GANC: variants seen among roughly 807,000 people sequenced by gnomAD.
The protein encoded by GANC is neutral alpha-glucosidase C.
Under a neutral mutation model 124.2 loss-of-function variants are expected in GANC, and 117 were observed. The observed-to-expected ratio is 0.94, with a 90% confidence interval of 0.81 to 1.10. The LOEUF is 1.10. Among genes scored for constraint, GANC ranks in the 50% least tolerant of loss-of-function variants. The probability of loss-of-function intolerance (pLI) is 0.00; values close to 1 mark genes in which losing one functional copy is unlikely to be tolerated. For synonymous variants in GANC, 377 were observed against 376.8 expected (o/e 1.00, Z -0.01); for missense variants, 1,140 against 1,095.0 (o/e 1.04, Z -0.58).
chr15:42,280,608 C>G (rs2051722348), intron 3 of GANC, among the ~76,000 whole-genome samples: 1 of 152,160 alleles, frequency 6.6e-6, no homozygotes, highest in Admixed American at 6.5e-5. Context: ...AGTTTTTCTT[C>G]TCATTGTCTC....
Position 42,274,420 on chromosome 15 carries a change from T to A in GANC, c.-62T>A. The A allele has an allele frequency of 1.3e-6, 2 of 1,575,680 alleles. No individual in the cohort carries two copies. ...TAGAAAGACACCCAATCGGCTTTTT[T>A]AAAAGATCGCCCAGGGCCCTTGTCC... On this transcript the variant is annotated 5_prime_UTR_variant, in exon 1 of 24. Transcript: ENST00000318010.
At chr15:42,309,852 C>G (rs940070889) in intron 8 of GANC, among the ~76,000 whole-genome samples, 4 of 151,908 alleles carry the variant, frequency 2.6e-5, no homozygotes, top group African/African-American at 9.7e-5. Context: ...AACCGCATCT[C>G]TACCAAAAAA....
At chr15:42,305,402 C>A (rs931199256) in intron 6 of GANC, among the ~76,000 whole-genome samples, 1 of 152,198 alleles carries the variant, frequency 6.6e-6, no homozygotes, top group Non-Finnish European at 1.5e-5. Flanking sequence ...AATGAGATAC[C>A]ATCTCACACC....
At chr15:42,274,613 C>A (rs1427306531) in intron 1 of GANC, 103 bp downstream of exon 1, 5 of 1,148,226 alleles carry the variant, frequency 4.4e-6, no homozygotes, top group Non-Finnish European at 4.9e-6. Flanking sequence ...ATTTGCTGAC[C>A]TTTATCTTTT....
In GANC at chr15:42,308,272, T is replaced by A; in HGVS notation, c.676T>A (p.Tyr226Asn). 1 of 1,610,748 alleles carries A rather than the reference T, an allele frequency of 6.2e-7. No individual in the cohort carries two copies. The highest frequency in any genetic ancestry group is 8.5e-7 in the Non-Finnish European group (1 of 1,177,438). ...CTCCTTGCATGGATTTGAGCATCTT[T>A]ATGGGATCCCACAACATGCAGAATC... ...DFSLHGFEHLYGIPQHAESHQ... is the reference protein window; with the variant it reads ...DFSLHGFEHLNGIPQHAESHQ... Residue 226 changes from tyrosine (Y) to asparagine (N), a missense_variant, in exon 8 of 24, where the codon TAT (tyrosine) becomes AAT (asparagine). Transcript: ENST00000318010.
intron 5 of GANC, among the ~76,000 whole-genome samples, chr15:42,294,574 CAAA>C (rs34588821): frequency 3.4e-5 from 4 of 119,288 alleles, no homozygotes; most frequent in South Asian, 2.7e-4. Context: ...GACTCTGTCT[CAAA>C]AAAAAAAAAA....
intron 5 of GANC, among the ~76,000 whole-genome samples, chr15:42,293,532 T>C (rs1595766386): frequency 6.6e-6 from 1 of 151,908 alleles, no homozygotes; most frequent in African/African-American, 2.4e-5. Flanking sequence ...TCATTTCTGT[T>C]TTAAAATTTT....
rs1435163845 is a variant in GANC, at chr15:42,310,474, T to C, written c.903+11T>C. On this transcript the variant is annotated intron_variant, in intron 9 of 23. Transcript: ENST00000318010. ...GAGCCTGCAGTAGAGGTGAGCTATT[T>C]ATCATGGCTACATGTCATACTTAAA... 1 of 1,584,518 alleles carries C rather than the reference T, an allele frequency of 6.3e-7. No homozygotes were observed. The highest frequency in any genetic ancestry group is 1.4e-5 in the African/African-American group (1 of 73,808).
chr15:42,314,023 A>G lies in GANC; in HGVS notation c.1057+3177A>G, dbSNP rs549184385. Reference sequence around the variant, plus strand: ...TGGAAAAAATACAGCTGGATGCTTAAAATGAATTTGGACAGAGTAGCTCCA... The same window carrying G: ...TGGAAAAAATACAGCTGGATGCTTAGAATGAATTTGGACAGAGTAGCTCCA... On this transcript the variant is annotated intron_variant, in intron 10 of 23. Coordinates refer to ENST00000318010, the MANE Select transcript of GANC (RefSeq NM_198141.3). The G allele has an allele frequency of 1.9e-5, 13 of 688,258 alleles. No homozygotes were observed. The African/African-American group carries it at 2.1e-4, about 11-fold the overall frequency. 42.6% of individuals were successfully genotyped at this position (688,258 alleles called of 1,614,324 possible). A position where few individuals can be genotyped will look rare whatever the true frequency, so the allele number is the denominator to read the frequency against.
At chr15:42,280,834 G>A (rs144731104) in intron 3 of GANC, 2 of 649,582 alleles carry the variant, frequency 3.1e-6, no homozygotes, top group African/African-American at 3.6e-5. Flanking sequence ...GTTTGCGGTG[G>A]ACACCCACAT....
Position 42,287,759 on chromosome 15 carries a change from T to A in GANC, c.270T>A (p.Thr90=). 7 of 1,613,284 alleles carry A rather than the reference T, an allele frequency of 4.3e-6. No individual in the cohort carries two copies. The highest frequency in any genetic ancestry group is 5.9e-6 in the Non-Finnish European group (7 of 1,179,472). The change falls in exon 4 of 24, where the codon ACT becomes ACA. Residue 90 remains threonine, a synonymous_variant. Coordinates refer to ENST00000318010, the MANE Select transcript of GANC (RefSeq NM_198141.3). The part of the protein sequence containing the change: ...NIFRLKINEE[T]PLKPRFEVPD... ...TCAGGCTTAAAATTAATGAAGAGACTCCTCTAAAACCCAGATTTGAAGTTC... is the reference window on the plus strand; with the variant it reads ...TCAGGCTTAAAATTAATGAAGAGACACCTCTAAAACCCAGATTTGAAGTTC...
At chr15:42,318,778 A>G (rs1246094517) in intron 10 of GANC, among the ~76,000 whole-genome samples, 3 of 152,088 alleles carry the variant, frequency 2.0e-5, no homozygotes, top group African/African-American at 7.2e-5. Context: ...TTATATAGGC[A>G]GGGTCTCCCT....
At position 42,330,664 on chromosome 15, in the gene GANC, A is replaced by C. The variant is rs767430100; in HGVS notation, c.1733A>C (p.Gln578Pro). ...ACACGTTCTTTCTTTGCTGGATCACAAAAGTATGGTAAGGAATGGCTCATA... is the reference window on the plus strand; with the variant it reads ...ACACGTTCTTTCTTTGCTGGATCACCAAAGTATGGTAAGGAATGGCTCATA... ...VLTRSFFAGS[Q>P]KYGAVWTGDN... Residue 578 changes from glutamine (Q) to proline (P), a missense_variant, in exon 15 of 24, where the codon CAA (glutamine) becomes CCA (proline). Transcript: ENST00000318010. 2 of 1,606,194 alleles carry C rather than the reference A, an allele frequency of 1.2e-6. No individual in the cohort carries two copies. The highest frequency in any genetic ancestry group is 2.2e-5 in the South Asian group (2 of 89,286).
chr15:42,352,761 T>C lies in GANC; in HGVS notation c.*622T>C. The C allele has an allele frequency of 4.1e-6, 4 of 977,800 alleles. No individual in the cohort carries two copies. In the South Asian group the frequency reaches 1.4e-4, roughly 35 times the overall value. 60.6% of individuals were successfully genotyped at this position (977,800 alleles called of 1,614,324 possible). A position where few individuals can be genotyped will look rare whatever the true frequency, so the allele number is the denominator to read the frequency against. The stretch of plus-strand genomic sequence containing the variant: ...AGTTTCTAATTAATCTTAAAATCCA[T>C]GTCTTTTACATTGTTTTTTTAATTA... On this transcript the variant is annotated 3_prime_UTR_variant, in exon 24 of 24. Transcript: ENST00000318010.
intron 6 of GANC, among the ~76,000 whole-genome samples, 177 bp from the exon 7 acceptor site, chr15:42,306,369 T>C (rs1201282970): frequency 6.6e-6 from 1 of 152,218 alleles, no homozygotes; most frequent in African/African-American, 2.4e-5. Flanking sequence ...ATTACTGACA[T>C]GTATATAGAA....
At chr15:42,278,410 A>T (rs1016557373) in intron 2 of GANC, 72 bp from the exon 3 acceptor site, 3 of 1,005,098 alleles carry the variant, frequency 3.0e-6, no homozygotes, top group Non-Finnish European at 1.5e-6. Context: ...TGACTTCCAC[A>T]TGATAATATA....
At chr15:42,301,527 G>T (rs190156876) in intron 6 of GANC, among the ~76,000 whole-genome samples, 197 of 152,152 alleles carry the variant, frequency 1.3e-3, no homozygotes, top group Admixed American at 2.6e-3. Context: ...CTGGAAAGGG[G>T]GCTGAAGCCA....
At chr15:42,343,011 T>A in intron 18 of GANC, 67 bp from the exon 19 acceptor site, 1 of 1,355,770 alleles carries the variant, frequency 7.4e-7, no homozygotes, top group East Asian at 2.3e-5. Context: ...AGCACTCAGT[T>A]AAAGAGAAAG....
chr15:42,287,825 C>G lies in GANC; in HGVS notation c.329+7C>G. ...GCAAGCCAAGCACTGTAAGGTAAGC[C>G]AAGGAGCGAGGTATTTTAGAGACAC... On this transcript the variant is annotated splice_region_variant and intron_variant, in intron 4 of 23. Coordinates refer to ENST00000318010, the MANE Select transcript of GANC (RefSeq NM_198141.3). 1 of 1,604,790 alleles carries G rather than the reference C, an allele frequency of 6.2e-7. No homozygotes were observed. Among genetic ancestry groups the G allele is most frequent in the Non-Finnish European group, 8.5e-7 (1 of 1,177,436 alleles).
Sources: gnomAD v4.1 joint callset for allele counts (sites outside exome capture counted in the v4.1 genomes callset) on GRCh38, gnomAD v4.1.1 for gene constraint, MANE v1.5 for transcripts, NCBI Gene and HGNC (gene_info 2026-07-23, HGNC 2026-07-21) for gene names.